GDF7: variants seen among roughly 807,000 people sequenced by gnomAD.
The protein encoded by GDF7 is growth differentiation factor 7.
A neutral mutation model predicts 13.4 loss-of-function variants in GDF7; 12 were observed. The ratio of observed to expected loss-of-function variants is 0.90; its 90% CI spans 0.57 to 1.45. GDF7 has a LOEUF of 1.45. GDF7 is among the 40% of genes most tolerant of loss of function. The pLI is 0.00. For synonymous variants in GDF7, 330 were observed against 306.4 expected (o/e 1.08, Z -0.80); for missense variants, 651 against 652.4 (o/e 1.00, Z 0.02).
At position 20,670,522 on chromosome 2, in the gene GDF7, C is replaced by A; in HGVS notation, c.450C>A (p.Asp150Glu). The change falls in exon 2 of 2, where the codon GAC becomes GAA. Residue 150 changes from aspartate (D) to glutamate (E), a missense_variant. Coordinates refer to ENST00000272224, the MANE Select transcript of GDF7 (RefSeq NM_182828.4). ...SFLFDVSSLN[D>E]ADEVVGAELR... The stretch of plus-strand genomic sequence containing the variant: ...TGTTCGACGTGTCCAGCCTTAACGA[C>A]GCAGACGAGGTGGTGGGTGCCGAGC... 2.5e-6 allele frequency: 4 copies of A among 1,598,906 alleles called. No individual in the cohort carries two copies. The highest frequency in any genetic ancestry group is 3.4e-6 in the Non-Finnish European group (4 of 1,174,034).
Position 20,667,365 on chromosome 2 carries a change from CGGCGGCGG to C in GDF7, c.127_134del (p.Gly43ArgfsTer104). The C allele has an allele frequency of 1.1e-6, 1 of 907,166 alleles. No individual in the cohort carries two copies. Among genetic ancestry groups the C allele is most frequent in the Non-Finnish European group, 1.3e-6 (1 of 766,010 alleles). The allele number at this position is 907,166 out of a possible 1,614,324, so 56.2% of individuals were successfully genotyped here. A position where few individuals can be genotyped will look rare whatever the true frequency, so the allele number is the denominator to read the frequency against. ...CTGGGCCGGTCCGGAGCCCAGGGGG[CGGCGGCGG>C]CGGCGGCGGCGGCGGGCGGACTCTT... On this transcript the variant is annotated frameshift_variant, in exon 1 of 2. Coordinates refer to ENST00000272224, the MANE Select transcript of GDF7 (RefSeq NM_182828.4). LOFTEE classifies it high-confidence loss of function. The surrounding 1 kb of genome is among the most constrained non-coding windows in gnomAD (Gnocchi z 6.4).
rs1662227529 is a variant in GDF7, at chr2:20,676,724, C to T, written c.*5299C>T. 1 of 152,246 alleles carries T rather than the reference C, an allele frequency of 6.6e-6. No individual in the cohort carries two copies. The highest frequency in any genetic ancestry group is 2.1e-4 in the South Asian group (1 of 4,830). 9.4% of individuals were successfully genotyped at this position (152,246 alleles called of 1,614,324 possible). A position where few individuals can be genotyped will look rare whatever the true frequency, so the allele number is the denominator to read the frequency against. ...TGTGGCCTGCAACTTGGCGACAGGC[C>T]TTTGGCTGGGCAAAGTTTGGGCTGG... On this transcript the variant is annotated 3_prime_UTR_variant, in exon 2 of 2. Transcript: ENST00000272224.
Position 20,670,972 on chromosome 2 carries a change from G to T in GDF7, c.900G>T (p.Leu300=). The T allele has an allele frequency of 6.4e-7, 1 of 1,558,232 alleles. No individual in the cohort carries two copies. ...ALGAALASEP[L]PDPGTGTASP... ...GGGCCGCTCTGGCCTCAGAGCCGCT[G>T]CCCGACCCAGGAACCGGCACCGCGT... The change falls in exon 2 of 2, where the codon CTG becomes CTT. Residue 300 remains leucine, a synonymous_variant. Coordinates refer to ENST00000272224, the MANE Select transcript of GDF7 (RefSeq NM_182828.4).
In GDF7 at chr2:20,670,702, G is replaced by A. The variant is rs551302606; in HGVS notation, c.630G>A (p.Ala210=). Residue 210 remains alanine (A), a synonymous_variant, in exon 2 of 2, where the codon GCG becomes GCA. Coordinates refer to ENST00000272224, the MANE Select transcript of GDF7 (RefSeq NM_182828.4). ...CCCTAGTCGGTCAGCGCTGGGAGGC[G>A]TTCGACGTGGCGGACGCCATGAGGC... ...AEPLVGQRWE[A]FDVADAMRRH... is the part of the protein sequence containing the mutation. 1,221 of 1,480,838 alleles carry A rather than the reference G, an allele frequency of 8.2e-4. 22 individuals are homozygous for A. The South Asian group carries it at 0.015, about 19-fold the overall frequency. 91.7% of individuals were successfully genotyped at this position (1,480,838 alleles called of 1,614,324 possible).
In GDF7 at chr2:20,677,031, C is replaced by G. The variant is rs951827986; in HGVS notation, c.*5606C>G. 6.6e-6 allele frequency: 1 copy of G among 152,192 alleles called. No homozygotes were observed. The highest frequency in any genetic ancestry group is 2.4e-5 in the African/African-American group (1 of 41,446). The allele number at this position is 152,192 out of a possible 1,614,324, so 9.4% of individuals were successfully genotyped here. On this transcript the variant is annotated 3_prime_UTR_variant, in exon 2 of 2. Coordinates refer to ENST00000272224, the MANE Select transcript of GDF7 (RefSeq NM_182828.4). The stretch of plus-strand genomic sequence containing the variant: ...CTCTCACACGTTTCCCTGACAGTGG[C>G]AAGGGGGCTGCAGCGGTCACAGAAA...
At position 20,677,058 on chromosome 2, in the gene GDF7, T is replaced by G. The variant is rs1572382997; in HGVS notation, c.*5633T>G. 6.6e-6 allele frequency: 1 copy of G among 152,304 alleles called. No individual in the cohort carries two copies. Among genetic ancestry groups the G allele is most frequent in the South Asian group, 2.1e-4 (1 of 4,822 alleles). The allele number at this position is 152,304 out of a possible 1,614,324, so 9.4% of individuals were successfully genotyped here. On this transcript the variant is annotated 3_prime_UTR_variant, in exon 2 of 2. Coordinates refer to ENST00000272224, the MANE Select transcript of GDF7 (RefSeq NM_182828.4). ...AGGGGGCTGCAGCGGTCACAGAAAC[T>G]TCCGGAGAGAGGTGTTTCTGTGCAG...
In GDF7 at chr2:20,678,754, T is replaced by C. The variant is rs1386618824; in HGVS notation, c.*7329T>C. Reference sequence around the variant, plus strand: ...CAGCTAAAGACAAAAAGAATTATTTTGGTGAGGGGATAGAAATCCTTTCGC... The same window carrying C: ...CAGCTAAAGACAAAAAGAATTATTTCGGTGAGGGGATAGAAATCCTTTCGC... On this transcript the variant is annotated 3_prime_UTR_variant, in exon 2 of 2. Transcript: ENST00000272224. 6.6e-6 allele frequency: 1 copy of C among 152,264 alleles called. No individual in the cohort carries two copies. The highest frequency in any genetic ancestry group is 1.5e-5 in the Non-Finnish European group (1 of 68,048). 9.4% of individuals were successfully genotyped at this position (152,264 alleles called of 1,614,324 possible).
chr2:20,669,122 G>A (rs1038218165), intron 1 of GDF7, among the ~76,000 whole-genome samples: 3 of 152,316 alleles, frequency 2.0e-5, no homozygotes, highest in African/African-American at 7.2e-5. Flanking sequence ...GGTGAGCAGG[G>A]AGAGGCAGAG....
intron 1 of GDF7, among the ~76,000 whole-genome samples, chr2:20,668,838 C>G (rs548396952): frequency 6.6e-6 from 1 of 152,320 alleles, no homozygotes; most frequent in Admixed American, 6.5e-5. Context: ...TCTCTGACGG[C>G]CTGACATGGC....
Position 20,670,894 on chromosome 2 carries a change from G to A in GDF7, c.822G>A (p.Thr274=). ...CGGTGCTAGTCGTCTCCTCCCGCAC[G>A]CAGAGGAAAGAGAGCTTATTCCGGG... is the stretch of plus-strand genomic sequence containing the variant. The part of the protein sequence containing the change: ...ERAVLVVSSR[T]QRKESLFREI... Residue 274 remains threonine, a synonymous_variant, in exon 2 of 2, where the codon ACG becomes ACA. Coordinates refer to ENST00000272224, the MANE Select transcript of GDF7 (RefSeq NM_182828.4). 9.6e-6 allele frequency: 15 copies of A among 1,555,678 alleles called. No individual in the cohort carries two copies. The highest frequency in any genetic ancestry group is 1.2e-5 in the Non-Finnish European group (14 of 1,160,172).
intron 1 of GDF7, among the ~76,000 whole-genome samples, chr2:20,668,582 G>C (rs896119965): frequency 1.3e-5 from 2 of 152,270 alleles, no homozygotes; most frequent in African/African-American, 4.8e-5. Context: ...AGGAGGGAAA[G>C]AAAGGCGAAT....
At position 20,671,532 on chromosome 2, in the gene GDF7, C is replaced by A; in HGVS notation, c.*107C>A. The A allele has an allele frequency of 1.7e-6, 2 of 1,201,984 alleles. No individual in the cohort carries two copies. Among genetic ancestry groups the A allele is most frequent in the Non-Finnish European group, 2.3e-6 (2 of 857,798 alleles). The allele number at this position is 1,201,984 out of a possible 1,614,324, so 74.5% of individuals were successfully genotyped here. ...TGGGTGCATGTCCGATGTGACCCAG[C>A]ACCCTCTCAGAGGAGGGAGAGCACA... On this transcript the variant is annotated 3_prime_UTR_variant, in exon 2 of 2. Transcript: ENST00000272224.
chr2:20,669,499 G>C (rs1319556437), intron 1 of GDF7, among the ~76,000 whole-genome samples: 1 of 152,174 alleles, frequency 6.6e-6, no homozygotes, highest in East Asian at 1.9e-4. Flanking sequence ...CTAAGCCCGA[G>C]ATAAGTCACT....
rs1662282396 is a variant in GDF7 at position 20,679,153 on chromosome 2, A to C, written c.*7728A>C. The C allele has an allele frequency of 6.6e-6, 1 of 152,236 alleles. No individual in the cohort carries two copies. The highest frequency in any genetic ancestry group is 2.1e-4 in the South Asian group (1 of 4,832). 9.4% of individuals were successfully genotyped at this position (152,236 alleles called of 1,614,324 possible). On this transcript the variant is annotated 3_prime_UTR_variant, in exon 2 of 2. Coordinates refer to ENST00000272224, the MANE Select transcript of GDF7 (RefSeq NM_182828.4). Reference sequence around the variant, plus strand: ...CTATTTTTCTTAACTATTATATAGCAGTATATATTTGTTGAACATGCTTGT... The same window carrying C: ...CTATTTTTCTTAACTATTATATAGCCGTATATATTTGTTGAACATGCTTGT...
In GDF7 at chr2:20,670,588, C is replaced by T; in HGVS notation, c.516C>T (p.Gly172=). The T allele has an allele frequency of 1.2e-6, 2 of 1,601,020 alleles. No individual in the cohort carries two copies. The highest frequency in any genetic ancestry group is 8.5e-7 in the Non-Finnish European group (1 of 1,175,538). ...LRRGSPESGP[G]SWTSPPLLLL... is the part of the protein sequence containing the mutation. ...GGGGATCTCCAGAGTCGGGCCCAGG[C>T]AGCTGGACTTCTCCGCCGTTGCTGC... Residue 172 remains glycine (G), a synonymous_variant, in exon 2 of 2, where the codon GGC becomes GGT. Transcript: ENST00000272224.
At position 20,674,660 on chromosome 2, in the gene GDF7, G is replaced by A. The variant is rs984359490; in HGVS notation, c.*3235G>A. The A allele has an allele frequency of 5.3e-5, 8 of 152,304 alleles. No homozygotes were observed. The highest frequency in any genetic ancestry group is 1.0e-4 in the Non-Finnish European group (7 of 68,094). The allele number at this position is 152,304 out of a possible 1,614,324, so 9.4% of individuals were successfully genotyped here. On this transcript the variant is annotated 3_prime_UTR_variant, in exon 2 of 2. Transcript: ENST00000272224. ...TCTTCCAGAGAAGGTGGCAGGCTTT[G>A]CTGTGTTAGCTTGGGGAAGCCAGGC...
intron 1 of GDF7, among the ~76,000 whole-genome samples, chr2:20,669,777 C>T (rs1262729676): frequency 6.6e-6 from 1 of 152,248 alleles, no homozygotes; most frequent in Non-Finnish European, 1.5e-5. Flanking sequence ...CCTACCTGGG[C>T]CTCAGTTCCC....
Position 20,670,519 on chromosome 2 carries a change from C to A in GDF7, c.447C>A (p.Asn149Lys). ...TCCTGTTCGACGTGTCCAGCCTTAA[C>A]GACGCAGACGAGGTGGTGGGTGCCG... is the stretch of plus-strand genomic sequence containing the variant. ...QSFLFDVSSL[N>K]DADEVVGAEL... Residue 149 changes from asparagine (N) to lysine (K), a missense_variant, in exon 2 of 2, where the codon AAC becomes AAA. Physicochemically the swap from Asn to Lys is moderately conservative, Grantham distance 94 (BLOSUM62 0). This residue lies in a region of GDF7 where 487 missense variants were observed against 445.9 expected (regional missense o/e 1.09). Transcript: ENST00000272224. The A allele has an allele frequency of 6.3e-7, 1 of 1,596,532 alleles. No homozygotes were observed. Among genetic ancestry groups the A allele is most frequent in the Admixed American group, 1.7e-5 (1 of 57,776 alleles).
At position 20,676,600 on chromosome 2, in the gene GDF7, G is replaced by GA. The variant is rs1348930817; in HGVS notation, c.*5175_*5176insA. 1 of 152,342 alleles carries GA rather than the reference G, an allele frequency of 6.6e-6. No individual in the cohort carries two copies. The highest frequency in any genetic ancestry group is 6.5e-5 in the Admixed American group (1 of 15,284). 9.4% of individuals were successfully genotyped at this position (152,342 alleles called of 1,614,324 possible). A position where few individuals can be genotyped will look rare whatever the true frequency, so the allele number is the denominator to read the frequency against. ...AAAGTTGGCCTAGTGAATCAGAGGG[G>GA]TGACTGAGGGCCTAGAAGTTGCCGC... is the stretch of plus-strand genomic sequence containing the variant. On this transcript the variant is annotated 3_prime_UTR_variant, in exon 2 of 2. Transcript: ENST00000272224.
Sources: allele counts gnomAD v4.1 joint callset (sites outside exome capture counted in the v4.1 genomes callset), GRCh38; gene constraint gnomAD v4.1.1; regional missense constraint gnomAD v4.1.1; non-coding constraint Gnocchi (gnomAD v3.1); transcripts MANE v1.5; gene names NCBI Gene and HGNC (gene_info 2026-07-23, HGNC 2026-07-21).